Variants in PIK3R3 observed in about 807,000 individuals in gnomAD.
The protein encoded by PIK3R3 is phosphatidylinositol 3-kinase regulatory subunit gamma.
A neutral mutation model predicts 62.9 loss-of-function variants in PIK3R3; 64 were observed. That is an observed-to-expected ratio of 1.02 (90% CI 0.83 to 1.25). PIK3R3 has a LOEUF of 1.25. PIK3R3 is among the 50% of genes most tolerant of loss of function. The pLI is 0.00. For missense variants in PIK3R3, 614 were observed against 561.6 expected (o/e 1.09, Z -0.94); for synonymous variants, 165 against 189.0 (o/e 0.87, Z 1.04).
intron 1 of PIK3R3, among the ~76,000 whole-genome samples, chr1:46,116,650 A>T (rs1420022356): frequency 6.6e-6 from 1 of 151,794 alleles, no homozygotes; most frequent in Non-Finnish European, 1.5e-5. Flanking sequence ...TGACAGAGCG[A>T]AACTCCATCC....
rs1364852709 is a variant in PIK3R3 at position 46,108,501 on chromosome 1, G to T, written c.106+23346C>A. Among the ~76,000 whole-genome samples, 3 of 152,264 alleles carry T rather than the reference G, an allele frequency of 2.0e-5. No individual in the cohort carries two copies. The East Asian group carries it at 5.8e-4, about 29-fold the overall frequency. ...TCCTAACTGAGATTACTATCCTGTT[G>T]GTAATTCATCCACATGCCTCAGGAT... On this transcript the variant is annotated intron_variant, in intron 1 of 9. Transcript: ENST00000262741.
chr1:46,139,034 A>G, the PIK3R3 span: 1 of 152,250 alleles, frequency 6.6e-6, no homozygotes, highest in Non-Finnish European at 1.5e-5. Context: ...CAAAAGCAAT[A>G]TATTTTCAAA....
intron 1 of PIK3R3, among the ~76,000 whole-genome samples, chr1:46,116,675 T>A (rs555010173): frequency 6.0e-5 from 9 of 150,712 alleles, no homozygotes; most frequent in East Asian, 2.0e-4. Flanking sequence ...AAAAAAAAAA[T>A]TTTGTTTTAA....
intron 1 of PIK3R3, among the ~76,000 whole-genome samples, chr1:46,111,594 T>C (rs1237570689): frequency 6.6e-6 from 1 of 152,008 alleles, no homozygotes; most frequent in Non-Finnish European, 1.5e-5. Flanking sequence ...CGTGTAGCTG[T>C]GTGCACCTGT....
intron 1 of PIK3R3, among the ~76,000 whole-genome samples, chr1:46,102,872 C>G (rs1368861213): frequency 7.1e-6 from 1 of 141,398 alleles, no homozygotes; most frequent in Non-Finnish European, 1.5e-5. Context: ...AGTAGCAGAC[C>G]TATGTTCACA....
intron 7 of PIK3R3, among the ~76,000 whole-genome samples, chr1:46,050,660 C>T (rs1024232831): frequency 7.2e-5 from 11 of 152,192 alleles, no homozygotes; most frequent in African/African-American, 2.7e-4. Flanking sequence ...GCAACCACTA[C>T]ACAATGATAA....
In PIK3R3 at chr1:46,058,837, T is replaced by C. The variant is rs146221548; in HGVS notation, c.765-2866A>G. ...GGACTGTGGACTTTTGAGTTAATGC[T>C]GAAATGAGTTAAGACTTTGGGGGAC... On this transcript the variant is annotated intron_variant, in intron 6 of 9. Transcript: ENST00000262741. Among the ~76,000 whole-genome samples, 1,129 of 152,348 alleles carry C rather than the reference T, an allele frequency of 7.4e-3. 16 individuals carry two copies. The highest frequency in any genetic ancestry group is 0.026 in the African/African-American group (1,066 of 41,582).
At chr1:46,155,637 G>C in the PIK3R3 span, among the ~76,000 whole-genome samples, 1 of 151,870 alleles carries the variant, frequency 6.6e-6, no homozygotes, top group Non-Finnish European at 1.5e-5. Context: ...TTGTTTGTTT[G>C]TTTTTGTAGA....
rs1217459250 is a variant in PIK3R3, at chr1:46,044,241, CTTTT to C, written c.1188-374_1188-371del. Among the ~76,000 whole-genome samples the C allele has an allele frequency of 2.0e-5, 3 of 151,770 alleles. No homozygotes were observed. The highest frequency in any genetic ancestry group is 4.4e-5 in the Non-Finnish European group (3 of 67,920). On this transcript the variant is annotated intron_variant, in intron 9 of 9. Coordinates refer to ENST00000262741, the MANE Select transcript of PIK3R3 (RefSeq NM_003629.4). This position sits in a 1 kb window ranked among gnomAD's most constrained non-coding sequence, Gnocchi z 4.2. ...CAGGTGTGAGCCACATGCCCAGCTA[CTTTT>C]TTATTTTTAGTAGAAATGGGGTCTT...
chr1:46,171,977 C>A, the PIK3R3 span, among the ~76,000 whole-genome samples: 1 of 152,110 alleles, frequency 6.6e-6, no homozygotes, highest in Non-Finnish European at 1.5e-5. Context: ...CAGCCTGGAC[C>A]TTCTTCCAGT....
At chr1:46,104,925 CAAAAAAAAAAA>C (rs757829828) in intron 1 of PIK3R3, 10 of 195,776 alleles carry the variant, frequency 5.1e-5, no homozygotes, top group East Asian at 2.4e-4. Context: ...AAGACTCCAT[CAAAAAAAAAAA>C]AAAAAAAAAA....
At chr1:46,095,098 A>G (rs550841308) in intron 1 of PIK3R3, among the ~76,000 whole-genome samples, 21 of 152,346 alleles carry the variant, frequency 1.4e-4, no homozygotes, top group African/African-American at 4.8e-4. Flanking sequence ...TAAAGGCAGA[A>G]ATACTATTTG....
chr1:46,136,412 A>G (rs1295712411), upstream of PIK3R3, among the ~76,000 whole-genome samples: 1 of 152,226 alleles, frequency 6.6e-6, no homozygotes, highest in Non-Finnish European at 1.5e-5. Context: ...CTGAAAATCA[A>G]TAGTCATCTC....
At chr1:46,153,809 C>T in the PIK3R3 span, among the ~76,000 whole-genome samples, 7 of 152,214 alleles carry the variant, frequency 4.6e-5, no homozygotes, top group African/African-American at 1.7e-4. Flanking sequence ...ATTTACCACA[C>T]AGTGCATGAC....
At chr1:46,060,160 T>C (rs1648348241) in intron 6 of PIK3R3, among the ~76,000 whole-genome samples, 1 of 151,474 alleles carries the variant, frequency 6.6e-6, no homozygotes, top group South Asian at 2.1e-4. Flanking sequence ...GCAACAAAAC[T>C]ACAAATCCTT....
At chr1:46,116,201 C>G (rs1164666708) in intron 1 of PIK3R3, among the ~76,000 whole-genome samples, 1 of 152,102 alleles carries the variant, frequency 6.6e-6, no homozygotes, top group East Asian at 1.9e-4. Context: ...CACAAAGCAT[C>G]CCAGTTTTAT....
chr1:46,147,172 G>A, the PIK3R3 span, among the ~76,000 whole-genome samples: 1 of 152,156 alleles, frequency 6.6e-6, no homozygotes, highest in Non-Finnish European at 1.5e-5. Context: ...GCATTGACAT[G>A]ATCTCGGCTC....
chr1:46,058,032 G>GC (rs929858183), intron 6 of PIK3R3, among the ~76,000 whole-genome samples: 1 of 152,204 alleles, frequency 6.6e-6, no homozygotes, highest in Non-Finnish European at 1.5e-5. Flanking sequence ...CGTGAGCTGG[G>GC]CCCAGGGTCC....
Position 46,085,120 on chromosome 1 carries a change from C to G in PIK3R3, c.107-4370G>C, listed in dbSNP as rs549517189. On this transcript the variant is annotated intron_variant, in intron 1 of 9. Transcript: ENST00000262741. ...ATTACAGAGGGCTGCCTCCTTGTAT[C>G]TTGCTGTTCTCAACTACAGAAATGT... Among the ~76,000 whole-genome samples, 3 of 152,274 alleles carry G rather than the reference C, an allele frequency of 2.0e-5. No individual in the cohort carries two copies. In the South Asian group the frequency reaches 6.2e-4, roughly 32 times the overall value.
Sources: gnomAD v4.1 joint callset for allele counts (sites outside exome capture counted in the v4.1 genomes callset) on GRCh38, gnomAD v4.1.1 for gene constraint, Gnocchi (gnomAD v3.1) non-coding constraint, MANE v1.5 for transcripts, NCBI Gene and HGNC (gene_info 2026-07-23, HGNC 2026-07-21) for gene names.